The following RIMS2 variants were observed in gnomAD, a reference collection of about 807,000 sequenced individuals.
The protein encoded by RIMS2 is regulating synaptic membrane exocytosis 2.
Under a neutral mutation model 174.4 loss-of-function variants are expected in RIMS2, and 59 were observed. The observed-to-expected ratio is 0.34, with a 90% CI of 0.27 to 0.42. The LOEUF is 0.42. Ranked by LOEUF, RIMS2 falls within the 10% of genes least tolerant of loss-of-function variation. The probability of loss-of-function intolerance (pLI) is 1.00; values close to 1 mark genes in which losing one functional copy is unlikely to be tolerated. For missense variants in RIMS2, 1,620 were observed against 1,666.3 expected, an observed-to-expected ratio of 0.97 and a Z score of 0.48; for synonymous variants, 606 against 572.5, an observed-to-expected ratio of 1.06 and a Z score of -0.84.
intron 3 of RIMS2, among the ~76,000 whole-genome samples, chr8:103,770,044 T>C (rs1447097631): frequency 6.6e-6 from 1 of 152,214 alleles, no homozygotes; most frequent in African/African-American, 2.4e-5. Context: ...AAAATGCAGA[T>C]TATACAGTAG....
chr8:103,506,488 T>C (rs1823688042), intron 1 of RIMS2, among the ~76,000 whole-genome samples: 1 of 152,220 alleles, frequency 6.6e-6, no homozygotes, highest in South Asian at 2.1e-4. Flanking sequence ...ATAACACCTA[T>C]TTTGAAGGAT....
At chr8:103,742,204 G>A (rs1350199068) in intron 2 of RIMS2, among the ~76,000 whole-genome samples, 1 of 151,954 alleles carries the variant, frequency 6.6e-6, no homozygotes, top group Non-Finnish European at 1.5e-5. Flanking sequence ...CTCCATTCTT[G>A]AGATGGATAT....
In RIMS2 at chr8:103,531,512, A is replaced by G. The variant is rs1837134199; in HGVS notation, c.176+30450A>G. Among the ~76,000 whole-genome samples, 3 of 152,220 alleles carry G rather than the reference A, an allele frequency of 2.0e-5. No individual in the cohort carries two copies. The South Asian group carries it at 6.2e-4, about 32-fold the overall frequency. ...GGGAGGTGTTACACCTGGAGAGGGC[A>G]TGGGAGCTCTGCGTGCCCACACCCT... On this transcript the variant is annotated intron_variant, in intron 1 of 23. Transcript: ENST00000504942.
intron 3 of RIMS2, among the ~76,000 whole-genome samples, chr8:103,772,915 G>A (rs999165744): frequency 3.3e-5 from 5 of 150,894 alleles, no homozygotes; most frequent in African/African-American, 1.2e-4. Flanking sequence ...AAAATTTGAA[G>A]CATACTTTTT....
At chr8:103,588,307 T>A (rs2094075534) in intron 1 of RIMS2, among the ~76,000 whole-genome samples, 1 of 151,870 alleles carries the variant, frequency 6.6e-6, no homozygotes, top group African/African-American at 2.4e-5. Flanking sequence ...ATCAATATTG[T>A]TAAAAGGTCT....
At chr8:103,918,842 C>T (rs538972869) in intron 9 of RIMS2, among the ~76,000 whole-genome samples, 1 of 152,132 alleles carries the variant, frequency 6.6e-6, no homozygotes, top group South Asian at 2.1e-4. Context: ...ATTCACTACT[C>T]CCAAAAATTC....
chr8:103,590,734 C>A (rs1000677315), intron 1 of RIMS2, among the ~76,000 whole-genome samples: 1 of 151,070 alleles, frequency 6.6e-6, no homozygotes, highest in Admixed American at 6.6e-5. Flanking sequence ...CATATTAATG[C>A]TATGTAGACT....
intron 19 of RIMS2, chr8:104,223,844 G>A (rs1393178575): frequency 2.0e-6 from 3 of 1,483,872 alleles, no homozygotes; most frequent in African/African-American, 2.8e-5. Context: ...TTAGAAAGTC[G>A]GTGGCTGGAG....
intron 4 of RIMS2, among the ~76,000 whole-genome samples, chr8:103,907,161 T>C (rs976905842): frequency 6.6e-6 from 1 of 152,210 alleles, no homozygotes; most frequent in African/African-American, 2.4e-5. Context: ...CCACCAACAG[T>C]TTCTGATTCA....
chr8:103,589,865 TG>T (rs2133250799), intron 1 of RIMS2, among the ~76,000 whole-genome samples: 1 of 151,402 alleles, frequency 6.6e-6, no homozygotes, highest in Admixed American at 6.6e-5. Flanking sequence ...CACTTATTTG[TG>T]GGATCTAAAA....
chr8:103,726,665 C>T (rs1591177583), intron 2 of RIMS2, among the ~76,000 whole-genome samples: 1 of 148,728 alleles, frequency 6.7e-6, no homozygotes, highest in East Asian at 1.9e-4. Context: ...GATGTATTCA[C>T]CTTCCTTTAT....
intron 3 of RIMS2, among the ~76,000 whole-genome samples, chr8:103,787,365 C>T (rs2098453509): frequency 6.6e-6 from 1 of 151,474 alleles, no homozygotes; most frequent in Non-Finnish European, 1.5e-5. Context: ...TCTTCCTAGT[C>T]TCGATGGTCT....
intron 19 of RIMS2, among the ~76,000 whole-genome samples, chr8:104,079,625 A>T (rs1290031269): frequency 7.4e-6 from 1 of 134,504 alleles, no homozygotes; most frequent in African/African-American, 2.7e-5. Flanking sequence ...ATATATATAT[A>T]TATATATATA....
chr8:103,727,806 T>C (rs2138731419), intron 2 of RIMS2, among the ~76,000 whole-genome samples: 1 of 152,322 alleles, frequency 6.6e-6, no homozygotes, highest in Admixed American at 6.5e-5. Flanking sequence ...TGTATCTGTT[T>C]TTATGTTAGT....
At chr8:103,749,279 CT>C (rs2097857340) in intron 2 of RIMS2, among the ~76,000 whole-genome samples, 1 of 151,162 alleles carries the variant, frequency 6.6e-6, no homozygotes, top group Non-Finnish European at 1.5e-5. Context: ...GCCCGGCTAA[CT>C]TTTTTGTATT....
intron 1 of RIMS2, among the ~76,000 whole-genome samples, chr8:103,594,645 C>A (rs1027029095): frequency 1.3e-5 from 2 of 151,712 alleles, no homozygotes; most frequent in African/African-American, 4.8e-5. Flanking sequence ...TATTTGTGTT[C>A]TCTGATAAAA....
chr8:103,921,705 G>T, exon 10 of RIMS2: 2 of 1,554,140 alleles, frequency 1.3e-6, no homozygotes, highest in Non-Finnish European at 1.8e-6. Flanking sequence ...AAAATGGATC[G>T]TCCTTCTATT....
At chr8:104,167,570 A>G (rs1331636436) in intron 19 of RIMS2, among the ~76,000 whole-genome samples, 1 of 151,928 alleles carries the variant, frequency 6.6e-6, no homozygotes, top group Admixed American at 6.6e-5. Context: ...GAGTCTGGAT[A>G]TTAGTCCTTT....
chr8:104,101,514 G>T (rs2097901413), intron 19 of RIMS2, among the ~76,000 whole-genome samples: 1 of 151,924 alleles, frequency 6.6e-6, no homozygotes, highest in African/African-American at 2.4e-5. Context: ...CACATTTGAG[G>T]TGTAAAATGT....
Sources: allele counts gnomAD v4.1 joint callset (sites outside exome capture counted in the v4.1 genomes callset), GRCh38; gene constraint gnomAD v4.1.1; transcripts MANE v1.5; gene names NCBI Gene and HGNC (gene_info 2026-07-23, HGNC 2026-07-21).